CEP63: variants seen among roughly 807,000 people sequenced by gnomAD.
CEP63 encodes the protein centrosomal protein of 63 kDa.
A neutral mutation model predicts 89.1 loss-of-function variants in CEP63; 84 were observed. The ratio of observed to expected loss-of-function variants is 0.94; its 90% CI spans 0.79 to 1.13. The LOEUF is 1.13. CEP63 is among the 50% of genes most tolerant of loss of function. CEP63 has a pLI of 0.00. For synonymous variants in CEP63, 267 were observed against 272.5 expected (o/e 0.98, Z 0.20); for missense variants, 838 against 813.3 (o/e 1.03, Z -0.37).
the CEP63 span, among the ~76,000 whole-genome samples, chr3:134,740,628 C>A: frequency 6.6e-6 from 1 of 152,154 alleles, no homozygotes; most frequent in African/African-American, 2.4e-5. Flanking sequence ...TACATCCGAC[C>A]TTGGATTCTT....
At chr3:134,618,421 C>A in the CEP63 span, among the ~76,000 whole-genome samples, 1 of 152,150 alleles carries the variant, frequency 6.6e-6, no homozygotes, top group East Asian at 1.9e-4. Context: ...TCATCCACCC[C>A]CTGGGGAGGG....
the CEP63 span, among the ~76,000 whole-genome samples, chr3:134,633,028 C>G: frequency 1.3e-5 from 2 of 151,984 alleles, no homozygotes; most frequent in Non-Finnish European, 2.9e-5. Flanking sequence ...TGGGCCAATT[C>G]CTTAAAAGTC....
At chr3:134,525,713 T>C (rs1341637997) in intron 3 of CEP63, among the ~76,000 whole-genome samples, 1 of 152,196 alleles carries the variant, frequency 6.6e-6, no homozygotes, top group Non-Finnish European at 1.5e-5. Context: ...TTTGGCCAGA[T>C]AATGAAATTC....
downstream of CEP63, among the ~76,000 whole-genome samples, chr3:134,565,560 C>A (rs537977938): frequency 6.6e-5 from 10 of 152,244 alleles, 1 homozygote; most frequent in South Asian, 2.1e-3. Context: ...AATGTGTCAG[C>A]TTGTCCCAAA....
intron 2 of CEP63, among the ~76,000 whole-genome samples, chr3:134,500,109 AGCCACCAT>A (rs1341741260): frequency 2.0e-5 from 3 of 152,068 alleles, no homozygotes; most frequent in Non-Finnish European, 4.4e-5. Flanking sequence ...TACAGGTGTG[AGCCACCAT>A]GCCTGGCTTA....
At chr3:134,600,190 A>AG in the CEP63 span, among the ~76,000 whole-genome samples, 1 of 152,266 alleles carries the variant, frequency 6.6e-6, no homozygotes, top group African/African-American at 2.4e-5. Context: ...TGCTGCAGGC[A>AG]GACCAGGATA....
downstream of CEP63, among the ~76,000 whole-genome samples, chr3:134,578,720 A>G (rs1958277478): frequency 6.6e-6 from 1 of 152,076 alleles, no homozygotes; most frequent in South Asian, 2.1e-4. Context: ...TCTTTTGAGA[A>G]GTGTCTGTTC....
chr3:134,626,899 C>G, the CEP63 span, among the ~76,000 whole-genome samples: 1 of 152,236 alleles, frequency 6.6e-6, no homozygotes, highest in African/African-American at 2.4e-5. Flanking sequence ...CCCTCTTGCT[C>G]TGCAGAATCT....
At chr3:134,689,800 A>G in the CEP63 span, among the ~76,000 whole-genome samples, 1 of 152,184 alleles carries the variant, frequency 6.6e-6, no homozygotes, top group Non-Finnish European at 1.5e-5. Flanking sequence ...TATTTAATGC[A>G]TTAATGGAGA....
chr3:134,649,071 C>T, the CEP63 span, among the ~76,000 whole-genome samples: 1 of 152,196 alleles, frequency 6.6e-6, no homozygotes, highest in Non-Finnish European at 1.5e-5. Context: ...CTCTGCCCAC[C>T]AGGCATCAAA....
chr3:134,580,726 C>A (rs1958326015), intron 10 of CEP63, among the ~76,000 whole-genome samples: 1 of 152,146 alleles, frequency 6.6e-6, no homozygotes, highest in South Asian at 2.1e-4. Context: ...TGGGGTTTAT[C>A]TCATATGAAT....
the CEP63 span, chr3:134,651,087 C>T: frequency 6.5e-7 from 1 of 1,526,848 alleles, no homozygotes; most frequent in African/African-American, 1.4e-5. Context: ...CGCTCCCCCG[C>T]CGCTGGAGCC....
intron 3 of CEP63, among the ~76,000 whole-genome samples, chr3:134,528,806 C>T (rs932922822): frequency 6.6e-6 from 1 of 152,152 alleles, no homozygotes; most frequent in African/African-American, 2.4e-5. Context: ...TTCTACCTAC[C>T]ATACTTTCTA....
chr3:134,513,891 CT>C (rs1945584742), intron 3 of CEP63, among the ~76,000 whole-genome samples: 1 of 152,104 alleles, frequency 6.6e-6, no homozygotes, highest in African/African-American at 2.4e-5. Flanking sequence ...TATAAATTTT[CT>C]TCAAAGGAAA....
the CEP63 span, chr3:134,625,157 G>A: frequency 6.3e-7 from 1 of 1,576,406 alleles, no homozygotes; most frequent in Non-Finnish European, 8.6e-7. Flanking sequence ...GGGCACCTTG[G>A]TCAGCAGCTG....
intron 11 of CEP63, 83 bp downstream of exon 11, chr3:134,550,343 T>G (rs1037246064): frequency 7.6e-7 from 1 of 1,317,760 alleles, no homozygotes; most frequent in Non-Finnish European, 1.1e-6. Flanking sequence ...TCATAATATT[T>G]AATTCAGTGA....
At chr3:134,676,216 G>A in the CEP63 span, among the ~76,000 whole-genome samples, 1 of 152,192 alleles carries the variant, frequency 6.6e-6, no homozygotes, top group Admixed American at 6.5e-5. Flanking sequence ...ACAAGCTATG[G>A]TATACCCATA....
chr3:134,608,979 C>CATGT, the CEP63 span: 5 of 949,754 alleles, frequency 5.3e-6, no homozygotes, highest in African/African-American at 8.3e-5. Flanking sequence ...CTGGAGACTC[C>CATGT]TCCTCAGTGG....
At chr3:134,768,719 T>G in the CEP63 span, among the ~76,000 whole-genome samples, 1 of 152,224 alleles carries the variant, frequency 6.6e-6, no homozygotes, top group Non-Finnish European at 1.5e-5. Context: ...TCTTTTAACA[T>G]TCTATCCCCT....
Sources: allele counts gnomAD v4.1 joint callset (sites outside exome capture counted in the v4.1 genomes callset), GRCh38; gene constraint gnomAD v4.1.1; transcripts MANE v1.5; gene names NCBI Gene and HGNC (gene_info 2026-07-23, HGNC 2026-07-21).